The following GNG7 variants were observed in gnomAD, a reference collection of about 807,000 sequenced individuals.
GNG7 encodes the protein G protein subunit gamma 7, also known as guanine nucleotide-binding protein G(I)/G(S)/G(O) subunit gamma-7.
Under a neutral mutation model 4.0 loss-of-function variants are expected in GNG7, and 1 was observed. The ratio of observed to expected loss-of-function variants is 0.25; its 90% CI spans 0.09 to 1.18. The LOEUF (loss-of-function observed/expected upper bound fraction) is 1.18. Among genes scored for constraint, GNG7 ranks in the 50% most tolerant of loss-of-function variants. The pLI is 0.50. For synonymous variants in GNG7, 34 were observed against 36.9 expected (o/e 0.92, Z 0.29); for missense variants, 86 against 91.9 (o/e 0.94, Z 0.26).
chr19:2,670,363 C>T (rs535649917), intron 1 of GNG7, among the ~76,000 whole-genome samples: 4 of 152,318 alleles, frequency 2.6e-5, no homozygotes, highest in South Asian at 2.1e-4. Context: ...CCGCGGGAGC[C>T]GTGCTGTCAC....
chr19:2,518,089 G>A (rs573708969), intron 4 of GNG7, among the ~76,000 whole-genome samples: 94 of 152,336 alleles, frequency 6.2e-4, no homozygotes, highest in African/African-American at 2.1e-3. Context: ...GCTCCAGCAC[G>A]TGGCACCTTG....
chr19:2,647,397 TC>T (rs1355729938), intron 1 of GNG7, among the ~76,000 whole-genome samples: 3 of 152,126 alleles, frequency 2.0e-5, no homozygotes, highest in African/African-American at 7.2e-5. Context: ...GGGCCTGGCC[TC>T]CCCGACCCAC....
chr19:2,550,959 G>A lies in GNG7; in HGVS notation c.-38+4190C>T, dbSNP rs144647005. Among the ~76,000 whole-genome samples the A allele has an allele frequency of 9.8e-5, 15 of 152,308 alleles. No homozygotes were observed. In the East Asian group the frequency reaches 1.9e-3, roughly 20 times the overall value. On this transcript the variant is annotated intron_variant, in intron 3 of 4. Coordinates refer to ENST00000382159, the MANE Select transcript of GNG7 (RefSeq NM_052847.3). Reference sequence around the variant, plus strand: ...GGGCCAGGGGACTTAGCCAGGGCCCGACGAGAGCTGCCTGATGTCATTGCT... The same window carrying A: ...GGGCCAGGGGACTTAGCCAGGGCCCAACGAGAGCTGCCTGATGTCATTGCT...
At chr19:2,635,214 TGCAGGTGGGC>T (rs1982275396) in intron 2 of GNG7, among the ~76,000 whole-genome samples, 1 of 151,454 alleles carries the variant, frequency 6.6e-6, no homozygotes, top group African/African-American at 2.5e-5. Context: ...TGCAGGTGGG[TGCAGGTGGGC>T]ACAGGTGGGT....
intron 2 of GNG7, among the ~76,000 whole-genome samples, chr19:2,606,259 G>A (rs1171607690): frequency 6.6e-6 from 1 of 151,552 alleles, no homozygotes; most frequent in Non-Finnish European, 1.5e-5. Context: ...TGCACCTGTA[G>A]TCCTTGGGGG....
intron 2 of GNG7, among the ~76,000 whole-genome samples, chr19:2,604,572 G>A (rs1349084493): frequency 6.9e-6 from 1 of 145,456 alleles, no homozygotes; most frequent in Admixed American, 7.1e-5. Context: ...GAGGGACAGA[G>A]GGAGGAAAAA....
In GNG7 at chr19:2,624,448, G is replaced by A. The variant is rs1332803620; in HGVS notation, c.-78+21776C>T. On this transcript the variant is annotated intron_variant, in intron 2 of 4. Transcript: ENST00000382159. ...CCGGAGGCTGAGGCAGGAGAATGGC[G>A]AGAACCCGGGAGGCGGAGCTTGCAG... Among the ~76,000 whole-genome samples the A allele has an allele frequency of 4.8e-5, 7 of 147,258 alleles. No individual in the cohort carries two copies. In the South Asian group the frequency reaches 6.4e-4, roughly 13 times the overall value.
intron 2 of GNG7, among the ~76,000 whole-genome samples, chr19:2,566,186 A>C (rs1979902896): frequency 6.6e-6 from 1 of 151,462 alleles, no homozygotes; most frequent in Admixed American, 6.6e-5. Context: ...AAATATAAAA[A>C]ATAAATAAAG....
At position 2,628,757 on chromosome 19, in the gene GNG7, G is replaced by A. The variant is rs1203774547; in HGVS notation, c.-78+17467C>T. On this transcript the variant is annotated intron_variant, in intron 2 of 4. Coordinates refer to ENST00000382159, the MANE Select transcript of GNG7 (RefSeq NM_052847.3). ...TTTGACACCTCGGGATGTGCTTCTG[G>A]TCTCTTTTATGGGCTCACCTGATGA... 1.5e-4 allele frequency among the ~76,000 whole-genome samples: 22 copies of A among 151,288 alleles called. 1 individual carries two copies.
At chr19:2,661,294 GAAAGAAAGAGAAAGAA>G (rs1415327623) in intron 1 of GNG7, among the ~76,000 whole-genome samples, 9 of 42,474 alleles carry the variant, frequency 2.1e-4, no homozygotes, top group Admixed American at 5.2e-4. Flanking sequence ...AAGAAAGAAA[GAAAGAAAGAGAAAGAA>G]AGAAAGAAAG....
chr19:2,572,667 C>T (rs1328514365), intron 2 of GNG7, among the ~76,000 whole-genome samples: 4 of 150,916 alleles, frequency 2.7e-5, no homozygotes, highest in South Asian at 2.1e-4. Flanking sequence ...CTCCTTATCT[C>T]GGTGAAGCCT....
intron 2 of GNG7, among the ~76,000 whole-genome samples, chr19:2,586,598 G>A (rs564590245): frequency 6.6e-6 from 1 of 152,264 alleles, no homozygotes; most frequent in South Asian, 2.1e-4. Context: ...TGACAGCCAA[G>A]GGCTCAAATG....
At chr19:2,554,446 C>A (rs1979483381) in intron 3 of GNG7, among the ~76,000 whole-genome samples, 1 of 150,134 alleles carries the variant, frequency 6.7e-6, no homozygotes, top group African/African-American at 2.4e-5. Flanking sequence ...TGGGTTCAAG[C>A]AATCCTCTTG....
At chr19:2,651,294 CTCCCTACCTTCCCTCCA>C (rs1415683507) in intron 1 of GNG7, among the ~76,000 whole-genome samples, 9 of 94,254 alleles carry the variant, frequency 9.5e-5, no homozygotes, top group African/African-American at 4.4e-4. Context: ...CCATCCCTCC[CTCCCTACCTTCCCTCCA>C]TCCCTCCCTC....
chr19:2,574,155 G>T (rs958619197), intron 2 of GNG7, among the ~76,000 whole-genome samples: 1 of 152,238 alleles, frequency 6.6e-6, no homozygotes, highest in Admixed American at 6.5e-5. Flanking sequence ...CTCCCGGGGT[G>T]TCCCTGCTGG....
intron 2 of GNG7, among the ~76,000 whole-genome samples, chr19:2,607,270 C>A (rs1019082622): frequency 1.3e-4 from 19 of 148,654 alleles, no homozygotes; most frequent in Non-Finnish European, 2.7e-4. Context: ...GTAATCCCAG[C>A]ACTTTGGGAG....
chr19:2,699,537 T>C (rs2144664865), intron 1 of GNG7, among the ~76,000 whole-genome samples: 1 of 152,276 alleles, frequency 6.6e-6, no homozygotes, highest in South Asian at 2.1e-4. Flanking sequence ...TTAAAAGCAA[T>C]CCTCAATTCT....
chr19:2,579,099 C>T (rs1252299497), intron 2 of GNG7, among the ~76,000 whole-genome samples: 1 of 152,266 alleles, frequency 6.6e-6, no homozygotes, highest in Non-Finnish European at 1.5e-5. Context: ...CCCGCCCCGC[C>T]GGTGCCTGCA....
intron 3 of GNG7, among the ~76,000 whole-genome samples, chr19:2,535,399 C>G (rs1414996384): frequency 6.6e-6 from 1 of 150,916 alleles, no homozygotes; most frequent in African/African-American, 2.4e-5. Context: ...ACTCAGGAGG[C>G]TGAGGTGGGA....
Sources: allele counts gnomAD v4.1 joint callset (sites outside exome capture counted in the v4.1 genomes callset), GRCh38; gene constraint gnomAD v4.1.1; transcripts MANE v1.5; gene names NCBI Gene and HGNC (gene_info 2026-07-23, HGNC 2026-07-21).